CADM2: variants seen among roughly 807,000 people sequenced by gnomAD.
CADM2 encodes the protein immunoglobulin superfamily member 4D.
Under a neutral mutation model 49.8 loss-of-function variants are expected in CADM2, and 12 were observed. That is an observed-to-expected ratio of 0.24 (90% CI 0.15 to 0.39). CADM2 has a LOEUF of 0.39. CADM2 is among the 10% of genes least tolerant of loss of function. CADM2 has a pLI of 1.00. For missense variants in CADM2, 378 were observed against 492.3 expected (o/e 0.77, Z 2.20); for synonymous variants, 214 against 175.4 (o/e 1.22, Z -1.74).
chr3:85,027,109 CTTTTTTTTTTT>C (rs1160735135), intron 1 of CADM2, among the ~76,000 whole-genome samples: 4 of 55,690 alleles, frequency 7.2e-5, no homozygotes, highest in African/African-American at 9.7e-5. Context: ...TTTCTTTTTC[CTTTTTTTTTTT>C]TTTTTTTTTT....
At chr3:86,003,914 A>G (rs190823288) in intron 8 of CADM2, among the ~76,000 whole-genome samples, 2 of 152,320 alleles carry the variant, frequency 1.3e-5, no homozygotes, top group Admixed American at 6.5e-5. Flanking sequence ...AAATTACCAG[A>G]TTTTAAAAAG....
rs77241144 is a variant in CADM2, at chr3:85,200,316, G to A, written c.61+240648G>A. On this transcript the variant is annotated intron_variant, in intron 1 of 9. Coordinates refer to ENST00000383699, the MANE Select transcript of CADM2 (RefSeq NM_001167675.2). ...GACTTTCCTTGGCCATTAAGGTACTGTTTCTGGTAAACCGTTTCCACTCAT... is the reference window on the plus strand; with the variant it reads ...GACTTTCCTTGGCCATTAAGGTACTATTTCTGGTAAACCGTTTCCACTCAT... Among the ~76,000 whole-genome samples, 61 of 152,134 alleles carry A rather than the reference G, an allele frequency of 4.0e-4. 2 individuals are homozygous for A. In the East Asian group the frequency reaches 0.012, roughly 29 times the overall value.
intron 1 of CADM2, among the ~76,000 whole-genome samples, chr3:85,364,362 C>A (rs11127886): frequency 0.93 from 141,284 of 152,206 alleles, 65,845 homozygotes; most frequent in Non-Finnish European, 0.97. Flanking sequence ...TCTGTTAAAA[C>A]TCACGCCTGT....
chr3:85,093,022 C>T (rs2037656521), intron 1 of CADM2, among the ~76,000 whole-genome samples: 1 of 152,054 alleles, frequency 6.6e-6, no homozygotes, highest in South Asian at 2.1e-4. Context: ...CTGTAATATT[C>T]TTCCCCTTTC....
intron 1 of CADM2, among the ~76,000 whole-genome samples, chr3:85,560,350 G>C (rs1358467578): frequency 3.9e-5 from 6 of 152,196 alleles, no homozygotes; most frequent in Non-Finnish European, 7.3e-5. Flanking sequence ...ATTGATGGTA[G>C]TCCAAGCAAG....
intron 8 of CADM2, among the ~76,000 whole-genome samples, chr3:86,005,231 G>T (rs1730639259): frequency 6.6e-6 from 1 of 152,092 alleles, no homozygotes; most frequent in Admixed American, 6.6e-5. Flanking sequence ...GTAATCTCCA[G>T]GAATTATTTT....
At chr3:85,231,075 A>G (rs1170690842) in intron 1 of CADM2, among the ~76,000 whole-genome samples, 2 of 151,848 alleles carry the variant, frequency 1.3e-5, no homozygotes, top group African/African-American at 4.8e-5. Flanking sequence ...TGGCCTGCAT[A>G]TTGTCTGTGT....
intron 1 of CADM2, among the ~76,000 whole-genome samples, chr3:85,296,185 TG>T (rs1017031127): frequency 2.6e-5 from 4 of 152,078 alleles, no homozygotes; most frequent in Non-Finnish European, 1.5e-5. Context: ...CAGTAACATT[TG>T]TCCAGAAAGA....
rs181092053 is a variant in CADM2 at position 85,259,821 on chromosome 3, C to T, written c.61+300153C>T. Among the ~76,000 whole-genome samples the T allele has an allele frequency of 1.8e-3, 272 of 152,162 alleles. 1 individual carries two copies. Among genetic ancestry groups the T allele is most frequent in the African/African-American group, 6.3e-3 (261 of 41,528 alleles). ...TTATCACTGACTATAGATTTCCAAT[C>T]TGATTATGGGTCTAACATAAGATGG... is the stretch of plus-strand genomic sequence containing the variant. On this transcript the variant is annotated intron_variant, in intron 1 of 9. Transcript: ENST00000383699.
chr3:85,708,086 A>T (rs1443905522), intron 1 of CADM2, among the ~76,000 whole-genome samples: 2 of 152,170 alleles, frequency 1.3e-5, no homozygotes, highest in African/African-American at 4.8e-5. Flanking sequence ...CGGAATTTGG[A>T]TGGTGATATC....
intron 1 of CADM2, among the ~76,000 whole-genome samples, chr3:85,718,638 A>T (rs1011140856): frequency 2.0e-5 from 3 of 152,110 alleles, no homozygotes; most frequent in African/African-American, 7.2e-5. Context: ...TAAACATTTT[A>T]TGTATAAACT....
intron 1 of CADM2, among the ~76,000 whole-genome samples, chr3:85,637,753 C>T (rs1210590566): frequency 6.6e-6 from 1 of 151,804 alleles, no homozygotes; most frequent in African/African-American, 2.4e-5. Context: ...AATGCAAAAG[C>T]AGGATTCAAA....
At chr3:85,805,065 T>C (rs2072319184) in intron 3 of CADM2, among the ~76,000 whole-genome samples, 1 of 152,044 alleles carries the variant, frequency 6.6e-6, no homozygotes, top group African/African-American at 2.4e-5. Context: ...CTCAGCCTCC[T>C]GATTAGCTGG....
chr3:85,511,384 G>T (rs1018353647), intron 1 of CADM2, among the ~76,000 whole-genome samples: 2 of 152,024 alleles, frequency 1.3e-5, no homozygotes, highest in Admixed American at 6.6e-5. Flanking sequence ...TACATACTTT[G>T]TTATTTCCAC....
At chr3:85,028,528 A>T (rs967284224) in intron 1 of CADM2, among the ~76,000 whole-genome samples, 33 of 152,220 alleles carry the variant, frequency 2.2e-4, no homozygotes, top group African/African-American at 7.7e-4. Flanking sequence ...GCCAATTAGT[A>T]TCTTAAAGTA....
intron 2 of CADM2, among the ~76,000 whole-genome samples, chr3:85,785,782 G>A (rs1445514978): frequency 6.6e-6 from 1 of 152,034 alleles, no homozygotes; most frequent in South Asian, 2.1e-4. Flanking sequence ...AGTGACACCG[G>A]CTATTCGAAA....
At chr3:85,761,407 T>G (rs1451851594) in intron 2 of CADM2, among the ~76,000 whole-genome samples, 1 of 122,980 alleles carries the variant, frequency 8.1e-6, no homozygotes, top group South Asian at 2.9e-4. Context: ...AGAATCTCAC[T>G]CTGTCTCCAG....
chr3:85,098,648 C>T (rs563464555), intron 1 of CADM2, among the ~76,000 whole-genome samples: 1 of 152,102 alleles, frequency 6.6e-6, no homozygotes, highest in African/African-American at 2.4e-5. Context: ...CTATATTCGT[C>T]CCTCAGTACA....
In CADM2 at chr3:84,998,975, AG is replaced by A. The variant is rs551652046; in HGVS notation, c.61+39311del. 1.4e-3 allele frequency among the ~76,000 whole-genome samples: 217 copies of A among 152,294 alleles called. 1 individual carries two copies. Among genetic ancestry groups the A allele is most frequent in the African/African-American group, 4.9e-3 (205 of 41,584 alleles). On this transcript the variant is annotated intron_variant, in intron 1 of 9. Coordinates refer to ENST00000383699, the MANE Select transcript of CADM2 (RefSeq NM_001167675.2). ...TTTAGAAAGTTAGGTGTATCTGGAA[AG>A]GGGAAAGATTTTTCATCAAAAAGCT...
Sources: gnomAD v4.1 joint callset for allele counts (sites outside exome capture counted in the v4.1 genomes callset) on GRCh38, gnomAD v4.1.1 for gene constraint, MANE v1.5 for transcripts, NCBI Gene and HGNC (gene_info 2026-07-23, HGNC 2026-07-21) for gene names.